The following P2RX3 variants were observed in gnomAD, a reference collection of about 807,000 sequenced individuals.
The protein encoded by P2RX3 is purinergic receptor P2X 3.
A neutral mutation model predicts 51.5 loss-of-function variants in P2RX3; 41 were observed. The observed-to-expected ratio is 0.80, with a 90% CI of 0.62 to 1.03. P2RX3 has a LOEUF of 1.03. P2RX3 is among the 50% of genes least tolerant of loss of function. P2RX3 has a pLI of 0.00. For missense variants in P2RX3, 459 were observed against 522.1 expected (o/e 0.88, Z 1.18); for synonymous variants, 185 against 191.6 (o/e 0.97, Z 0.29).
At chr11:57,358,360 T>C (rs1301888972) in intron 8 of P2RX3, among the ~76,000 whole-genome samples, 4 of 152,214 alleles carry the variant, frequency 2.6e-5, no homozygotes, top group Non-Finnish European at 5.9e-5. Flanking sequence ...TTGTGGCGAA[T>C]ACAGAGATGA....
At chr11:57,367,725 A>G (rs900021895) in intron 8 of P2RX3, among the ~76,000 whole-genome samples, 34 of 152,174 alleles carry the variant, frequency 2.2e-4, no homozygotes, top group African/African-American at 8.2e-4. Flanking sequence ...TGTCTCAAAA[A>G]TATAAAAATA....
In P2RX3 at chr11:57,370,845, G is replaced by C. The variant is rs184271938; in HGVS notation, c.*848G>C. Among the ~76,000 whole-genome samples, 1 of 152,182 alleles carries C rather than the reference G, an allele frequency of 6.6e-6. No individual in the cohort carries two copies. The highest frequency in any genetic ancestry group is 2.4e-5 in the African/African-American group (1 of 41,444). Reference sequence around the variant, plus strand: ...CCCTCACTCTGGGGATTTGATTCCCGGACCTGGGATCCTGTCGTAGGCTGG... The same window carrying C: ...CCCTCACTCTGGGGATTTGATTCCCCGACCTGGGATCCTGTCGTAGGCTGG... On this transcript the variant is annotated 3_prime_UTR_variant, in exon 12 of 12. Coordinates refer to ENST00000263314, the MANE Select transcript of P2RX3 (RefSeq NM_002559.5).
chr11:57,339,579 G>A (rs1185910454), intron 1 of P2RX3, among the ~76,000 whole-genome samples: 2 of 152,168 alleles, frequency 1.3e-5, no homozygotes, highest in Non-Finnish European at 2.9e-5. Flanking sequence ...GGGGAAGAAT[G>A]CAGGTCCTGT....
At chr11:57,344,392 A>G (rs1034800609) in intron 1 of P2RX3, among the ~76,000 whole-genome samples, 1 of 152,186 alleles carries the variant, frequency 6.6e-6, no homozygotes, top group Non-Finnish European at 1.5e-5. Context: ...AATACGTACA[A>G]TTATTACTTA....
chr11:57,336,348 T>A (rs974793773), upstream of P2RX3, among the ~76,000 whole-genome samples: 1 of 152,062 alleles, frequency 6.6e-6, no homozygotes, highest in Non-Finnish European at 1.5e-5. Context: ...CACCCAAAAT[T>A]TTCACATCCT....
intron 8 of P2RX3, among the ~76,000 whole-genome samples, chr11:57,367,222 A>G (rs574196518): frequency 1.3e-5 from 2 of 152,292 alleles, no homozygotes; most frequent in South Asian, 4.1e-4. Flanking sequence ...ATTCCCACCC[A>G]CAAATGAGGA....
chr11:57,339,495 C>G (rs1856298409), intron 1 of P2RX3, among the ~76,000 whole-genome samples: 1 of 150,910 alleles, frequency 6.6e-6, no homozygotes, highest in Non-Finnish European at 1.5e-5. Flanking sequence ...CCCCTCAGCC[C>G]CCACCGCCTG....
chr11:57,355,334 C>CTTTTT (rs1201675322), intron 8 of P2RX3, among the ~76,000 whole-genome samples: 10 of 117,340 alleles, frequency 8.5e-5, no homozygotes, highest in Admixed American at 2.7e-4. Flanking sequence ...TATTTTATTT[C>CTTTTT]TTTTTTTTTT....
chr11:57,347,420 G>T lies in P2RX3; in HGVS notation c.333G>T (p.Glu111Asp). 1 of 1,559,906 alleles carries T rather than the reference G, an allele frequency of 6.4e-7. No individual in the cohort carries two copies. The highest frequency in any genetic ancestry group is 8.7e-7 in the Non-Finnish European group (1 of 1,151,372). The change falls in exon 4 of 12, where the codon GAG becomes GAT. Residue 111 changes from glutamate to aspartate, a missense_variant. Physicochemically the swap from Glu to Asp is conservative, Grantham distance 45. Transcript: ENST00000263314. ...TGTGACCCGTCTGCCCACAGAGTGA[G>T]GAGAAATACCGCTGTGTATCAGACA... ...NQMQGFCPES[E>D]EKYRCVSDSQ...
intron 1 of P2RX3, among the ~76,000 whole-genome samples, chr11:57,345,899 C>T (rs1856422770): frequency 6.9e-6 from 1 of 145,300 alleles, no homozygotes; most frequent in African/African-American, 2.5e-5. Context: ...CAACCGAGCT[C>T]CTTTACCTGC....
chr11:57,343,898 C>T (rs192080405), intron 1 of P2RX3, among the ~76,000 whole-genome samples: 137 of 152,332 alleles, frequency 9.0e-4, no homozygotes, highest in African/African-American at 3.1e-3. Flanking sequence ...AGGCTGTGAG[C>T]TAATAATGCT....
chr11:57,346,801 A>G, intron 2 of P2RX3, 122 bp downstream of exon 2: 1 of 1,371,262 alleles, frequency 7.3e-7, no homozygotes. Context: ...TCACTGATCC[A>G]GAGGACCTCT....
At chr11:57,364,692 T>C (rs991987577) in intron 8 of P2RX3, among the ~76,000 whole-genome samples, 12 of 152,200 alleles carry the variant, frequency 7.9e-5, no homozygotes, top group Non-Finnish European at 1.2e-4. Flanking sequence ...GTCCATCCTA[T>C]TATCCTCCTT....
chr11:57,347,224 G>A (rs377102545), intron 3 of P2RX3, 37 bp downstream of exon 3: 174 of 1,605,210 alleles, frequency 1.1e-4, no homozygotes, highest in Non-Finnish European at 1.4e-4. Flanking sequence ...AGCAGGTCAA[G>A]GCTGAAAATG....
chr11:57,338,475 C>T lies in P2RX3; in HGVS notation c.-76C>T. Reference sequence around the variant, plus strand: ...CCCCTCCAGGTCGTGATCTCGTCTCCCTGTCCTGTAGGACCTCCCTCTCCT... The same window carrying T: ...CCCCTCCAGGTCGTGATCTCGTCTCTCTGTCCTGTAGGACCTCCCTCTCCT... On this transcript the variant is annotated 5_prime_UTR_variant, in exon 1 of 12. Transcript: ENST00000263314. 1.0e-6 allele frequency: 1 copy of T among 1,004,848 alleles called. No individual in the cohort carries two copies. The highest frequency in any genetic ancestry group is 1.6e-5 in the South Asian group (1 of 62,536). 62.2% of individuals were successfully genotyped at this position (1,004,848 alleles called of 1,614,324 possible). A position where few individuals can be genotyped will look rare whatever the true frequency, so the allele number is the denominator to read the frequency against.
chr11:57,363,524 A>G (rs1856751699), intron 8 of P2RX3, among the ~76,000 whole-genome samples: 1 of 152,172 alleles, frequency 6.6e-6, no homozygotes, highest in African/African-American at 2.4e-5. Flanking sequence ...AGGTGAGGAA[A>G]GGGAAGACAT....
chr11:57,336,832 C>CA (rs1272763523), upstream of P2RX3, among the ~76,000 whole-genome samples: 1 of 152,202 alleles, frequency 6.6e-6, no homozygotes, highest in East Asian at 1.9e-4. Flanking sequence ...GGGTAAGAGA[C>CA]AACAGGAATG....
intron 10 of P2RX3, 48 bp from the exon 11 acceptor site, chr11:57,369,313 C>T (rs1266783107): frequency 6.4e-7 from 1 of 1,571,620 alleles, no homozygotes; most frequent in Admixed American, 1.7e-5. Flanking sequence ...CCTGATCCCA[C>T]CCAACCCAGG....
chr11:57,348,420 T>A, intron 5 of P2RX3, 157 bp downstream of exon 5: 5 of 774,686 alleles, frequency 6.5e-6, no homozygotes, highest in Non-Finnish European at 8.2e-6. Flanking sequence ...CAGGGTATCA[T>A]CTTCCCCAGC....
Sources: allele counts gnomAD v4.1 joint callset (sites outside exome capture counted in the v4.1 genomes callset), GRCh38; gene constraint gnomAD v4.1.1; transcripts MANE v1.5; gene names NCBI Gene and HGNC (gene_info 2026-07-23, HGNC 2026-07-21).